Variants in SH3D19 observed in about 807,000 individuals in gnomAD.
SH3D19 encodes SH3 domain-containing protein 19.
Under a neutral mutation model 112.1 loss-of-function variants are expected in SH3D19, and 58 were observed. The ratio of observed to expected loss-of-function variants is 0.52; its 90% confidence interval spans 0.42 to 0.64. The LOEUF is 0.64. SH3D19 is among the 30% of genes least tolerant of loss of function. SH3D19 has a pLI of 0.00. For missense variants in SH3D19, 1,090 were observed against 1,263.4 expected (o/e 0.86, Z 2.08); for synonymous variants, 391 against 448.5 (o/e 0.87, Z 1.62).
intron 3 of SH3D19, chr4:151,181,700 G>T (rs1333591679): frequency 6.6e-6 from 1 of 152,042 alleles, no homozygotes; most frequent in Non-Finnish European, 1.5e-5. Context: ...TCTTCCACGG[G>T]GCATTTTTGC....
intron 1 of SH3D19, among the ~76,000 whole-genome samples, chr4:151,299,580 CAAAAAA>C (rs369585943): frequency 1.8e-3 from 164 of 92,798 alleles, no homozygotes; most frequent in Middle Eastern, 6.3e-3. Flanking sequence ...AACTCCGTCT[CAAAAAA>C]AAAAAAAAAA....
chr4:151,297,702 C>T (rs1185588566), intron 1 of SH3D19, among the ~76,000 whole-genome samples: 1 of 152,132 alleles, frequency 6.6e-6, no homozygotes, highest in East Asian at 1.9e-4. Context: ...AATAGATTTG[C>T]CAAGCAGAGA....
chr4:151,268,687 G>A (rs1466182888), intron 1 of SH3D19, among the ~76,000 whole-genome samples: 9 of 138,362 alleles, frequency 6.5e-5, no homozygotes, highest in African/African-American at 1.1e-4. Context: ...GAGAATATGC[G>A]GTGTTTGGTT....
intron 2 of SH3D19, among the ~76,000 whole-genome samples, chr4:151,208,150 T>G (rs1017553800): frequency 2.6e-5 from 4 of 152,188 alleles, no homozygotes; most frequent in African/African-American, 4.8e-5. Flanking sequence ...GTATGGGAGA[T>G]TATTCTATGA....
At chr4:151,306,262 G>GTA (rs1728903290) in intron 1 of SH3D19, among the ~76,000 whole-genome samples, 1 of 152,098 alleles carries the variant, frequency 6.6e-6, no homozygotes, top group African/African-American at 2.4e-5. Flanking sequence ...CCAAAAAGAA[G>GTA]CCAATTTTAC....
intron 2 of SH3D19, among the ~76,000 whole-genome samples, chr4:151,200,679 C>T (rs767835360): frequency 8.5e-5 from 13 of 152,240 alleles, no homozygotes; most frequent in Middle Eastern, 3.4e-3. Flanking sequence ...TAATAATGCA[C>T]GTTCAACCTA....
At position 151,122,199 on chromosome 4, in the gene SH3D19, A is replaced by G; in HGVS notation, c.3036T>C (p.Asp1012=). Residue 1012 remains aspartate, a synonymous_variant, in exon 20 of 20, where the codon GAT becomes GAC. Transcript: ENST00000604030. ...NEDELSFKAG[D]IITELESVDD... Reference sequence around the variant, plus strand: ...CTACAGATTCCAGCTCTGTTATTATATCTCCAGCCTGTAAGACAAAAGGAG... The same window carrying G: ...CTACAGATTCCAGCTCTGTTATTATGTCTCCAGCCTGTAAGACAAAAGGAG... 1 of 1,576,274 alleles carries G rather than the reference A, an allele frequency of 6.3e-7. No individual in the cohort carries two copies. Among genetic ancestry groups the G allele is most frequent in the Non-Finnish European group, 8.7e-7 (1 of 1,146,818 alleles).
At chr4:151,312,416 C>A (rs1015466216) in intron 1 of SH3D19, among the ~76,000 whole-genome samples, 1 of 152,134 alleles carries the variant, frequency 6.6e-6, no homozygotes, top group Non-Finnish European at 1.5e-5. Context: ...GCAACTATTC[C>A]GGAAGTAATG....
At position 151,128,217 on chromosome 4, in the gene SH3D19, T is replaced by G. The variant is rs1228093488; in HGVS notation, c.2882A>C (p.Gln961Pro). The G allele has an allele frequency of 1.2e-6, 2 of 1,613,612 alleles. No homozygotes were observed. Among genetic ancestry groups the G allele is most frequent in the East Asian group, 4.5e-5 (2 of 44,868 alleles). ...TGCTGGGAAGATCCCCTCCCTGTCC[T>G]GCAGTCTGCCCCTGCACCAGTCAGA... The part of the protein sequence containing the change: ...LDSDWCRGRL[Q>P]DREGIFPAVF... The change falls in exon 18 of 20, where the codon CAG (glutamine) becomes CCG (proline). Residue 961 changes from glutamine (Q) to proline (P), a missense_variant. Transcript: ENST00000604030.
intron 2 of SH3D19, among the ~76,000 whole-genome samples, chr4:151,212,251 T>G (rs1766086114): frequency 6.6e-6 from 1 of 152,222 alleles, no homozygotes; most frequent in Non-Finnish European, 1.5e-5. Flanking sequence ...CCTTCTGGGC[T>G]CAAGCAATCC....
At chr4:151,122,511 TCACACACA>T (rs3064664) in intron 19 of SH3D19, among the ~76,000 whole-genome samples, 11 of 148,520 alleles carry the variant, frequency 7.4e-5, no homozygotes, top group South Asian at 2.1e-4. Context: ...ATACCAGTTA[TCACACACA>T]CACACACACA....
At chr4:151,168,809 T>C (rs1758548949) in intron 7 of SH3D19, among the ~76,000 whole-genome samples, 1 of 152,140 alleles carries the variant, frequency 6.6e-6, no homozygotes, top group Non-Finnish European at 1.5e-5. Flanking sequence ...TAGTCAATGA[T>C]GCTTTTTGGG....
At chr4:151,223,826 C>T (rs1768496889) in intron 2 of SH3D19, among the ~76,000 whole-genome samples, 1 of 152,212 alleles carries the variant, frequency 6.6e-6, no homozygotes, top group African/African-American at 2.4e-5. Context: ...ATCAGAATCA[C>T]TGGGGGACTT....
chr4:151,283,255 G>A, intron 1 of SH3D19: 2 of 1,613,704 alleles, frequency 1.2e-6, no homozygotes, highest in Non-Finnish European at 1.7e-6. Flanking sequence ...ATTTGTGCTG[G>A]TGATACTCAA....
intron 2 of SH3D19, among the ~76,000 whole-genome samples, chr4:151,220,736 G>A (rs184644644): frequency 6.6e-6 from 1 of 152,296 alleles, no homozygotes; most frequent in African/African-American, 2.4e-5. Context: ...GTGTAGTATA[G>A]CTCTCACTTG....
chr4:151,245,654 T>G (rs1459379289), intron 1 of SH3D19, among the ~76,000 whole-genome samples: 2 of 152,192 alleles, frequency 1.3e-5, no homozygotes, highest in African/African-American at 4.8e-5. Flanking sequence ...CAGGCGGGTG[T>G]GCAGTGGCGC....
Position 151,242,414 on chromosome 4 carries a change from G to A in SH3D19, c.113-16328C>T, listed in dbSNP as rs1415788802. On this transcript the variant is annotated intron_variant, in intron 1 of 19. Transcript: ENST00000604030. ...CCTACAATGAGTCCTATTTTAGAAT[G>A]TGGAAACTGAAGTTCTTAGGGGATA... Among the ~76,000 whole-genome samples, 4 of 152,158 alleles carry A rather than the reference G, an allele frequency of 2.6e-5. No homozygotes were observed. The East Asian group carries it at 7.7e-4, about 29-fold the overall frequency.
At chr4:151,320,616 A>C (rs1402386507) in intron 1 of SH3D19, among the ~76,000 whole-genome samples, 1 of 152,230 alleles carries the variant, frequency 6.6e-6, no homozygotes, top group East Asian at 1.9e-4. Context: ...GTGGAGGTGG[A>C]AGAAGATATT....
intron 2 of SH3D19, among the ~76,000 whole-genome samples, chr4:151,214,405 T>G (rs1368972116): frequency 2.1e-5 from 1 of 46,614 alleles, no homozygotes; most frequent in East Asian, 1.3e-3. Context: ...GACGGGGTGG[T>G]GGCCGGGCAG....
Sources: allele counts gnomAD v4.1 joint callset (sites outside exome capture counted in the v4.1 genomes callset), GRCh38; gene constraint gnomAD v4.1.1; transcripts MANE v1.5; gene names NCBI Gene and HGNC (gene_info 2026-07-23, HGNC 2026-07-21).